ANOS1: variants seen among roughly 807,000 people sequenced by gnomAD.
ANOS1 encodes anosmin-1.
ANOS1 carries 6 observed loss-of-function variants against 59.0 expected under a neutral mutation model. The ratio of observed to expected loss-of-function variants is 0.10; its 90% CI spans 0.06 to 0.20. The LOEUF (loss-of-function observed/expected upper bound fraction) is 0.20. ANOS1 is among the 10% of genes least tolerant of loss of function. The pLI is 1.00. For synonymous variants in ANOS1, 217 were observed against 223.4 expected (o/e 0.97, Z 0.25); for missense variants, 433 against 542.3 (o/e 0.80, Z 2.00).
intron 4 of ANOS1, among the ~76,000 whole-genome samples, chrX:8,590,594 A>C (rs2146821812): frequency 8.9e-6 from 1 of 112,098 alleles, no homozygotes; most frequent in Admixed American, 9.5e-5. Flanking sequence ...CTTTCCATTA[A>C]GCCACAGCCC....
At chrX:8,544,956 CCTGGG>C (rs2057137847) in intron 9 of ANOS1, among the ~76,000 whole-genome samples, 1 of 104,594 alleles carries the variant, frequency 9.6e-6, no homozygotes, top group Non-Finnish European at 1.9e-5. Context: ...ATCCCAGCTA[CCTGGG>C]AGGCTGAGAC....
chrX:8,725,307 T>C (rs59587760), intron 1 of ANOS1, among the ~76,000 whole-genome samples: 68 of 110,025 alleles, frequency 6.2e-4, no homozygotes, highest in African/African-American at 2.1e-3. Context: ...CTTTCATAAG[T>C]CTCTCTACCT....
chrX:8,604,123 C>G (rs1385273880), intron 3 of ANOS1, among the ~76,000 whole-genome samples: 2 of 111,874 alleles, frequency 1.8e-5, no homozygotes, highest in African/African-American at 6.5e-5. Flanking sequence ...TAGCCCAAAT[C>G]ACAAAACACG....
intron 8 of ANOS1, among the ~76,000 whole-genome samples, chrX:8,563,318 G>T (rs984625263): frequency 1.8e-4 from 20 of 112,350 alleles, no homozygotes; most frequent in African/African-American, 6.5e-4. Context: ...GTCAGCTAAA[G>T]TATTACCTAG....
At chrX:8,575,281 A>G (rs1413770977) in intron 6 of ANOS1, among the ~76,000 whole-genome samples, 1 of 112,351 alleles carries the variant, frequency 8.9e-6, no homozygotes, top group Non-Finnish European at 1.9e-5. Flanking sequence ...CCTTTCTGGG[A>G]GGGAACCTAG....
At chrX:8,661,821 C>A (rs1458379498) in intron 2 of ANOS1, among the ~76,000 whole-genome samples, 2 of 111,121 alleles carry the variant, frequency 1.8e-5, no homozygotes, top group African/African-American at 6.6e-5. Context: ...AACAGCATCG[C>A]GTTTCAACTA....
At chrX:8,665,999 C>G (rs1932127476) in intron 2 of ANOS1, among the ~76,000 whole-genome samples, 1 of 109,882 alleles carries the variant, frequency 9.1e-6, no homozygotes, top group Admixed American at 9.8e-5. Flanking sequence ...CCCAGGGGTT[C>G]AAGACCAGCC....
intron 5 of ANOS1, among the ~76,000 whole-genome samples, chrX:8,586,732 AT>A (rs950188656): frequency 2.4e-4 from 27 of 110,340 alleles, no homozygotes; most frequent in Middle Eastern, 4.7e-3. Context: ...ACTGAAGCAA[AT>A]TTTTTTTATA....
At chrX:8,658,146 A>G (rs1179642456) in intron 2 of ANOS1, among the ~76,000 whole-genome samples, 1 of 111,987 alleles carries the variant, frequency 8.9e-6, no homozygotes, top group East Asian at 2.8e-4. Flanking sequence ...TGGGTGCTCA[A>G]TGTATTGGCA....
intron 2 of ANOS1, among the ~76,000 whole-genome samples, chrX:8,667,511 C>G (rs971215317): frequency 6.3e-5 from 7 of 111,415 alleles, no homozygotes; most frequent in African/African-American, 2.3e-4. Context: ...ACAGAGGAAA[C>G]CATCTCATCA....
chrX:8,596,332 T>C (rs1318633869), intron 4 of ANOS1, among the ~76,000 whole-genome samples: 2 of 111,254 alleles, frequency 1.8e-5, no homozygotes, highest in African/African-American at 3.3e-5. Flanking sequence ...AAATGTTATA[T>C]GTCACGGTGT....
chrX:8,634,045 C>G (rs1931533775), intron 2 of ANOS1, among the ~76,000 whole-genome samples: 1 of 111,567 alleles, frequency 9.0e-6, no homozygotes, highest in South Asian at 3.8e-4. Flanking sequence ...GTTAAATCAC[C>G]TACACTTGAT....
chrX:8,638,109 G>A (rs2146855682), intron 2 of ANOS1, among the ~76,000 whole-genome samples: 1 of 111,756 alleles, frequency 8.9e-6, no homozygotes, highest in African/African-American at 3.2e-5. Context: ...TGAGCCTAGA[G>A]TCCATTCCTT....
chrX:8,596,847 G>A (rs1377070450), intron 4 of ANOS1, among the ~76,000 whole-genome samples, 187 bp downstream of exon 4: 1 of 111,948 alleles, frequency 8.9e-6, no homozygotes, highest in Non-Finnish European at 1.9e-5. Context: ...GCCCCATGTC[G>A]AGTTAATATG....
At chrX:8,572,120 C>A (rs952472629) in intron 6 of ANOS1, among the ~76,000 whole-genome samples, 2 of 77,522 alleles carry the variant, frequency 2.6e-5, no homozygotes, top group Non-Finnish European at 4.4e-5. Context: ...TACTGCTAGT[C>A]AAGTCATTTT....
chrX:8,622,220 C>G (rs1035389277), intron 3 of ANOS1, among the ~76,000 whole-genome samples: 3 of 111,595 alleles, frequency 2.7e-5, no homozygotes, highest in South Asian at 3.8e-4. Context: ...TGACCGTTGA[C>G]AAGCCATTCG....
chrX:8,659,817 T>A (rs767941913), intron 2 of ANOS1, among the ~76,000 whole-genome samples: 6 of 109,953 alleles, frequency 5.5e-5, no homozygotes, highest in Non-Finnish European at 1.1e-4. Context: ...TTAGTAGAGA[T>A]GGGATTTTGC....
chrX:8,668,043 T>A (rs1387793725), intron 2 of ANOS1, among the ~76,000 whole-genome samples: 1 of 110,384 alleles, frequency 9.1e-6, no homozygotes, highest in Non-Finnish European at 1.9e-5. Flanking sequence ...ATTTTTTTTT[T>A]ATTTCCATAG....
At chrX:8,589,848 G>A (rs1440740707) in intron 4 of ANOS1, among the ~76,000 whole-genome samples, 1 of 112,154 alleles carries the variant, frequency 8.9e-6, no homozygotes, top group African/African-American at 3.2e-5. Flanking sequence ...CCCTTCTCCT[G>A]GGATATCTAT....
Sources: allele counts gnomAD v4.1 joint callset (sites outside exome capture counted in the v4.1 genomes callset), GRCh38; gene constraint gnomAD v4.1.1; transcripts MANE v1.5; gene names NCBI Gene and HGNC (gene_info 2026-07-23, HGNC 2026-07-21).